Variants in PACS1 observed in about 807,000 individuals in gnomAD.
PACS1 encodes the protein phosphofurin acidic cluster sorting protein 1, also known as PACS-1.
Under a neutral mutation model 115.0 loss-of-function variants are expected in PACS1, and 24 were observed. That is an observed-to-expected ratio of 0.21 (90% CI 0.15 to 0.29). The LOEUF (loss-of-function observed/expected upper bound fraction) is 0.29. Ranked by LOEUF, PACS1 falls within the 10% of genes least tolerant of loss-of-function variation. The pLI, the probability that PACS1 is intolerant of heterozygous loss-of-function variation, is 1.00. For synonymous variants in PACS1, 453 were observed against 504.5 expected (o/e 0.90, Z 1.37); for missense variants, 838 against 1,251.2 (o/e 0.67, Z 4.98).
chr11:66,221,913 C>T (rs559582019), intron 10 of PACS1, among the ~76,000 whole-genome samples: 11 of 152,222 alleles, frequency 7.2e-5, no homozygotes, highest in Admixed American at 3.9e-4. Context: ...CCTAGGAGTT[C>T]GAAACCAGCC....
rs56203680 is a variant in PACS1 at position 66,202,742 on chromosome 11, AATATATATATATATATATATAT to A, written c.445-7601_445-7580del. 8.1e-4 allele frequency among the ~76,000 whole-genome samples: 58 copies of A among 71,612 alleles called. 10 individuals carry two copies. The highest frequency in any genetic ancestry group is 4.5e-3 in the African/African-American group (57 of 12,588). The allele number at this position is 71,612 out of a possible 152,430, so 47.0% of individuals were successfully genotyped here. On this transcript the variant is annotated intron_variant, in intron 2 of 23. Transcript: ENST00000320580. ...CATCTCTAGGAAAAAAAAAAAAAAAAATATATATATATATATATATATATATATATATATATATATTCTGAAA... is the reference window on the plus strand; with the variant it reads ...CATCTCTAGGAAAAAAAAAAAAAAAAATATATATATATATATATTCTGAAA...
intron 1 of PACS1, among the ~76,000 whole-genome samples, chr11:66,073,305 T>C (rs958363358): frequency 8.5e-5 from 13 of 152,206 alleles, no homozygotes; most frequent in African/African-American, 3.1e-4. Context: ...GTTTAGAATA[T>C]ATAGGCAACA....
chr11:66,208,434 G>A (rs1372995111), intron 2 of PACS1, among the ~76,000 whole-genome samples: 1 of 152,036 alleles, frequency 6.6e-6, no homozygotes, highest in Non-Finnish European at 1.5e-5. Flanking sequence ...CCTGGGCAAT[G>A]TAGCGATACC....
At chr11:66,195,923 A>G (rs1015648530) in intron 2 of PACS1, among the ~76,000 whole-genome samples, 5 of 152,224 alleles carry the variant, frequency 3.3e-5, no homozygotes, top group African/African-American at 9.6e-5. Flanking sequence ...TCATGATAAT[A>G]CTGTGGCATT....
chr11:66,242,512 TC>T (rs1426918530), intron 22 of PACS1, among the ~76,000 whole-genome samples: 1 of 152,154 alleles, frequency 6.6e-6, no homozygotes, highest in African/African-American at 2.4e-5. Flanking sequence ...CAGGGAGCAC[TC>T]CCCGGCATCC....
rs968864012 is a variant in PACS1, at chr11:66,241,038, G to A, written c.2430-389G>A. The A allele has an allele frequency of 5.1e-5, 8 of 156,274 alleles. No individual in the cohort carries two copies. The East Asian group carries it at 1.5e-3, about 29-fold the overall frequency. 9.7% of individuals were successfully genotyped at this position (156,274 alleles called of 1,614,324 possible). On this transcript the variant is annotated intron_variant, in intron 21 of 23. Coordinates refer to ENST00000320580, the MANE Select transcript of PACS1 (RefSeq NM_018026.4). ...CGGGCTCAGGCCTTCTCTCCAGCTC[G>A]AGGCTCAGTTTGGCCCAGGCTTTGC...
chr11:66,180,450 A>AGGG, intron 1 of PACS1, among the ~76,000 whole-genome samples: 2 of 151,278 alleles, frequency 1.3e-5, no homozygotes, highest in Non-Finnish European at 2.9e-5. Context: ...CCACTCCCTG[A>AGGG]TTCAAGCAAT....
intron 1 of PACS1, among the ~76,000 whole-genome samples, chr11:66,178,116 A>G (rs979230661): frequency 6.6e-6 from 1 of 152,202 alleles, no homozygotes; most frequent in Admixed American, 6.5e-5. Context: ...TAGTATATAT[A>G]TCATGTAAAG....
intron 1 of PACS1, chr11:66,100,679 A>G (rs954495785): frequency 2.3e-5 from 9 of 399,198 alleles, no homozygotes; most frequent in Middle Eastern, 7.2e-4. Context: ...ATAATACTCA[A>G]TTCTCTCTGC....
At chr11:66,077,434 G>A (rs1326125924) in intron 1 of PACS1, among the ~76,000 whole-genome samples, 1 of 152,048 alleles carries the variant, frequency 6.6e-6, no homozygotes, top group South Asian at 2.1e-4. Flanking sequence ...GGTGGCGTGC[G>A]CCTGTGGTCC....
At chr11:66,076,829 G>C (rs1356675927) in intron 1 of PACS1, among the ~76,000 whole-genome samples, 2 of 152,222 alleles carry the variant, frequency 1.3e-5, no homozygotes, top group Non-Finnish European at 2.9e-5. Flanking sequence ...GTAGCTGTGG[G>C]AATGATTTGC....
intron 1 of PACS1, among the ~76,000 whole-genome samples, chr11:66,180,265 C>G (rs775540634): frequency 6.6e-5 from 10 of 152,154 alleles, no homozygotes; most frequent in Non-Finnish European, 1.5e-4. Context: ...AATGCTGCCA[C>G]CAGCTTTTTT....
At chr11:66,207,328 G>C (rs745428093) in intron 2 of PACS1, among the ~76,000 whole-genome samples, 5 of 152,084 alleles carry the variant, frequency 3.3e-5, no homozygotes, top group African/African-American at 9.7e-5. Context: ...TTAGCTGGGC[G>C]TGATGGCACT....
At chr11:66,191,867 A>C (rs1201330359) in intron 1 of PACS1, among the ~76,000 whole-genome samples, 1 of 152,138 alleles carries the variant, frequency 6.6e-6, no homozygotes, top group Non-Finnish European at 1.5e-5. Context: ...TACTAAAAAT[A>C]CAAAAATTAG....
intron 1 of PACS1, among the ~76,000 whole-genome samples, chr11:66,139,360 T>C (rs1765185733): frequency 6.6e-6 from 1 of 152,176 alleles, no homozygotes; most frequent in Admixed American, 6.5e-5. Context: ...TTAGTTACTT[T>C]AAAATGTATA....
chr11:66,121,597 T>G (rs963113059), intron 1 of PACS1, among the ~76,000 whole-genome samples: 2 of 152,120 alleles, frequency 1.3e-5, no homozygotes, highest in Non-Finnish European at 2.9e-5. Context: ...TGAAGGAAAT[T>G]AAAAGTGCTA....
chr11:66,227,402 G>C, intron 10 of PACS1, 102 bp from the exon 11 acceptor site: 1 of 688,902 alleles, frequency 1.5e-6, no homozygotes, highest in East Asian at 2.9e-5. Flanking sequence ...TATGAGGTTT[G>C]AGATTAAATG....
chr11:66,176,124 G>C (rs1176194176), intron 1 of PACS1, among the ~76,000 whole-genome samples: 2 of 152,120 alleles, frequency 1.3e-5, no homozygotes, highest in Non-Finnish European at 2.9e-5. Flanking sequence ...TACATGTGCA[G>C]ATTTGTTGCA....
intron 4 of PACS1, among the ~76,000 whole-genome samples, chr11:66,215,107 T>A (rs1855170438): frequency 6.6e-6 from 1 of 151,744 alleles, no homozygotes; most frequent in Non-Finnish European, 1.5e-5. Context: ...TAATTTTTTG[T>A]ATTTTTAGTA....
Sources: allele counts gnomAD v4.1 joint callset (sites outside exome capture counted in the v4.1 genomes callset), GRCh38; gene constraint gnomAD v4.1.1; transcripts MANE v1.5; gene names NCBI Gene and HGNC (gene_info 2026-07-23, HGNC 2026-07-21).